The following EDARADD variants were observed in gnomAD, a reference collection of about 807,000 sequenced individuals.
EDARADD encodes EDAR associated via death domain, also known as ectodysplasin-A receptor-associated adapter protein.
EDARADD carries 20 observed loss-of-function variants against 25.6 expected under a neutral mutation model. That is an observed-to-expected ratio of 0.78 (90% CI 0.55 to 1.14). EDARADD has a LOEUF of 1.14. Ranked by LOEUF, EDARADD falls within the 50% of genes most tolerant of loss-of-function variation. The pLI is 0.00. For missense variants in EDARADD, 225 were observed against 270.1 expected, an observed-to-expected ratio of 0.83 and a Z score of 1.17; for synonymous variants, 86 against 94.4, an observed-to-expected ratio of 0.91 and a Z score of 0.52.
In EDARADD at chr1:236,483,222, G is replaced by A. The variant is rs1197244975; in HGVS notation, c.*573G>A. 1 of 1,587,452 alleles carries A rather than the reference G, an allele frequency of 6.3e-7. No homozygotes were observed. Among genetic ancestry groups the A allele is most frequent in the African/African-American group, 1.3e-5 (1 of 74,426 alleles). On this transcript the variant is annotated 3_prime_UTR_variant, in exon 6 of 6. Coordinates refer to ENST00000334232, the MANE Select transcript of EDARADD (RefSeq NM_145861.4). ...CTTTGACTCTCGTGGGAATCCCACT[G>A]TTGAGGTTGATCTCTTCACCTCAGA...
intron 4 of EDARADD, among the ~76,000 whole-genome samples, chr1:236,448,153 G>A (rs1378963198): frequency 2.0e-5 from 3 of 152,190 alleles, no homozygotes; most frequent in African/African-American, 7.2e-5. Flanking sequence ...GAGCTTTTAT[G>A]AAGTACCAGT....
chr1:236,349,639 A>C (rs906761229), intron 2 of EDARADD, among the ~76,000 whole-genome samples: 3 of 152,174 alleles, frequency 2.0e-5, no homozygotes, highest in Non-Finnish European at 4.4e-5. Flanking sequence ...GGAAATGTTC[A>C]GGTTAAGATA....
intron 3 of EDARADD, among the ~76,000 whole-genome samples, chr1:236,425,077 C>T (rs543199382): frequency 3.9e-5 from 6 of 152,270 alleles, no homozygotes; most frequent in East Asian, 1.9e-4. Context: ...GAATACCAGT[C>T]GGTCTCCCTG....
intron 4 of EDARADD, among the ~76,000 whole-genome samples, chr1:236,440,085 G>T (rs1322914654): frequency 1.3e-5 from 2 of 151,604 alleles, no homozygotes; most frequent in Non-Finnish European, 2.9e-5. Context: ...ATTTTTTTTT[G>T]TTATTCCAGT....
intron 2 of EDARADD, among the ~76,000 whole-genome samples, chr1:236,349,542 C>T (rs1479033079): frequency 8.1e-5 from 8 of 99,280 alleles, no homozygotes; most frequent in Non-Finnish European, 1.4e-4. Flanking sequence ...AGCGGGGTGG[C>T]GGGGGTGGGG....
At chr1:236,458,379 A>G (rs1481886430) in intron 4 of EDARADD, among the ~76,000 whole-genome samples, 1 of 152,170 alleles carries the variant, frequency 6.6e-6, no homozygotes, top group Non-Finnish European at 1.5e-5. Flanking sequence ...ATGTATTGTT[A>G]AACAGATAAA....
Position 236,385,084 on chromosome 1 carries a change from T to C in EDARADD, c.-5-24132T>C, listed in dbSNP as rs563785349. Among the ~76,000 whole-genome samples the C allele has an allele frequency of 3.8e-3, 493 of 130,478 alleles. 2 individuals carry two copies. The highest frequency in any genetic ancestry group is 0.013 in the African/African-American group (470 of 35,308). The allele number at this position is 130,478 out of a possible 152,430, so 85.6% of individuals were successfully genotyped here. ...TATCAGATTTTTATTCTATGCCTTT[T>C]GATTCTTTTTTTTTTTTTTTTTGCC... On this transcript the variant is annotated intron_variant, in intron 3 of 7. Transcript: ENST00000439430.
chr1:236,451,503 A>C (rs969580144), intron 4 of EDARADD, among the ~76,000 whole-genome samples: 2 of 151,592 alleles, frequency 1.3e-5, no homozygotes, highest in Non-Finnish European at 2.9e-5. Context: ...GCTCACTGCA[A>C]CCTCTGCCTC....
At chr1:236,393,694 G>T (rs58983567), upstream of EDARADD, among the ~76,000 whole-genome samples, 2,878 of 152,210 alleles carry the variant, frequency 0.019, 89 homozygotes, top group African/African-American at 0.066. Flanking sequence ...ACTGCACCCA[G>T]CCCAAAAATG....
At chr1:236,370,407 C>G (rs1291762064) in intron 3 of EDARADD, among the ~76,000 whole-genome samples, 1 of 152,012 alleles carries the variant, frequency 6.6e-6, no homozygotes, top group East Asian at 1.9e-4. Context: ...GGTGACAAAG[C>G]AAAACTCTGT....
chr1:236,454,373 C>T (rs971856186), intron 4 of EDARADD, among the ~76,000 whole-genome samples: 13 of 152,174 alleles, frequency 8.5e-5, no homozygotes, highest in African/African-American at 2.7e-4. Flanking sequence ...CAGTGGGACA[C>T]GCCCCTTTGT....
intron 1 of EDARADD, among the ~76,000 whole-genome samples, chr1:236,399,952 T>C (rs1667586394): frequency 6.6e-6 from 1 of 152,090 alleles, no homozygotes; most frequent in African/African-American, 2.4e-5. Context: ...CTTCAATGGG[T>C]CCAAGGTGGC....
intron 1 of EDARADD, among the ~76,000 whole-genome samples, chr1:236,405,858 CTTCCTTCCTTCCTTCCTTCTTTCTTTCT>C (rs1558112708): frequency 2.1e-5 from 1 of 46,656 alleles, no homozygotes; most frequent in African/African-American, 9.4e-5. Flanking sequence ...TCCTTCCTTC[CTTCCTTCCTTCCTTCCTTCTTTCTTTCT>C]TTCTTTCTTT....
chr1:236,466,804 C>A (rs1011814844), intron 4 of EDARADD, among the ~76,000 whole-genome samples: 7 of 152,154 alleles, frequency 4.6e-5, no homozygotes, highest in Admixed American at 1.3e-4. Flanking sequence ...CACTGTGGCT[C>A]ACACCTGTAA....
chr1:236,363,002 AAAAAATATATATATAT>A (rs1399035141), intron 3 of EDARADD, among the ~76,000 whole-genome samples: 1 of 58,208 alleles, frequency 1.7e-5, no homozygotes, highest in Non-Finnish European at 3.0e-5. Flanking sequence ...AAAAAAAAAA[AAAAAATATATATATAT>A]ATATATATAT....
intron 3 of EDARADD, among the ~76,000 whole-genome samples, chr1:236,373,466 G>A (rs977589530): frequency 4.6e-5 from 7 of 151,754 alleles, no homozygotes; most frequent in South Asian, 2.1e-4. Flanking sequence ...TTGGCCTCCC[G>A]AATTGCTGGG....
chr1:236,355,981 A>G lies in EDARADD; in HGVS notation c.-6+5142A>G, dbSNP rs989587900. ...GCTGTATCACAGGCAAAAAATATATATGTATATATTTTAAAAATAGAGTTT... is the reference window on the plus strand; with the variant it reads ...GCTGTATCACAGGCAAAAAATATATGTGTATATATTTTAAAAATAGAGTTT... On this transcript the variant is annotated intron_variant, in intron 3 of 7. Coordinates refer to the EDARADD transcript ENST00000439430. Among the ~76,000 whole-genome samples the G allele has an allele frequency of 1.3e-4, 20 of 152,232 alleles. No individual in the cohort carries two copies. The East Asian group carries it at 3.9e-3, about 29-fold the overall frequency.
intron 3 of EDARADD, among the ~76,000 whole-genome samples, chr1:236,370,767 A>G (rs558398882): frequency 3.9e-5 from 6 of 152,364 alleles, no homozygotes; most frequent in Middle Eastern, 3.4e-3. Context: ...GGAGCAGTTT[A>G]GGGAGAGTCA....
intron 5 of EDARADD, among the ~76,000 whole-genome samples, chr1:236,469,870 C>T (rs1053529344): frequency 9.2e-5 from 14 of 151,720 alleles, no homozygotes; most frequent in African/African-American, 3.4e-4. Flanking sequence ...CCACCACGCC[C>T]GGCTAATTTT....
Sources: gnomAD v4.1 joint callset for allele counts (sites outside exome capture counted in the v4.1 genomes callset) on GRCh38, gnomAD v4.1.1 for gene constraint, MANE v1.5 for transcripts, NCBI Gene and HGNC (gene_info 2026-07-23, HGNC 2026-07-21) for gene names.